The following NLRP14 variants were observed in gnomAD, a reference collection of about 807,000 sequenced individuals.
The protein encoded by NLRP14 is NACHT, LRR and PYD domains-containing protein 14.
A neutral mutation model predicts 94.7 loss-of-function variants in NLRP14; 105 were observed. The observed-to-expected ratio is 1.11, with a 90% CI of 0.95 to 1.30. NLRP14 has a LOEUF of 1.30. NLRP14 is among the 50% of genes most tolerant of loss of function. NLRP14 has a pLI of 0.00. For missense variants in NLRP14, 1,362 were observed against 1,254.1 expected (o/e 1.09, Z -1.30); for synonymous variants, 508 against 459.9 (o/e 1.10, Z -1.34).
the NLRP14 span, among the ~76,000 whole-genome samples, chr11:7,084,120 C>T: frequency 6.6e-6 from 1 of 152,160 alleles, no homozygotes; most frequent in African/African-American, 2.4e-5. Flanking sequence ...TTTGAAACTG[C>T]TATTTATAAA....
the NLRP14 span, chr11:7,089,889 T>C: frequency 6.2e-7 from 1 of 1,612,816 alleles, no homozygotes; most frequent in South Asian, 1.1e-5. Context: ...CTTGAGAGGC[T>C]ACAGCGACCG....
chr11:7,070,903 T>G (rs950056816), intron 11 of NLRP14, among the ~76,000 whole-genome samples: 1 of 152,206 alleles, frequency 6.6e-6, no homozygotes, highest in African/African-American at 2.4e-5. Context: ...TTAATTTTGC[T>G]TGGATAGCAA....
chr11:7,023,038 A>G (rs1473060022), intron 1 of NLRP14, among the ~76,000 whole-genome samples: 1 of 152,094 alleles, frequency 6.6e-6, no homozygotes, highest in Admixed American at 6.5e-5. Context: ...TTTAAACATA[A>G]TGGTGATTAA....
chr11:7,061,938 T>A (rs1218937555), intron 9 of NLRP14, among the ~76,000 whole-genome samples: 1 of 152,100 alleles, frequency 6.6e-6, no homozygotes, highest in African/African-American at 2.4e-5. Context: ...ATATGTAGCT[T>A]TCTTCTTTGA....
intron 8 of NLRP14, among the ~76,000 whole-genome samples, chr11:7,058,917 C>T (rs933807311): frequency 6.6e-6 from 1 of 151,786 alleles, no homozygotes; most frequent in Admixed American, 6.6e-5. Context: ...ATTAATAAGC[C>T]AAGGTTTTAA....
chr11:7,050,197 G>T (rs536414565), intron 6 of NLRP14, among the ~76,000 whole-genome samples: 6 of 152,290 alleles, frequency 3.9e-5, no homozygotes, highest in Non-Finnish European at 8.8e-5. Context: ...TACAGTGGGG[G>T]ATGTTCTTTA....
At chr11:7,021,594 A>G (rs984106370) in intron 1 of NLRP14, among the ~76,000 whole-genome samples, 2 of 152,042 alleles carry the variant, frequency 1.3e-5, no homozygotes, top group Non-Finnish European at 2.9e-5. Context: ...TTAACCGCTC[A>G]CCCTTAAGTA....
intron 6 of NLRP14, among the ~76,000 whole-genome samples, chr11:7,051,359 G>A (rs1852439097): frequency 6.6e-6 from 1 of 152,198 alleles, no homozygotes; most frequent in Non-Finnish European, 1.5e-5. Context: ...GCCATGGGTA[G>A]TATGAATGTC....
At position 7,046,755 on chromosome 11, in the gene NLRP14, T is replaced by C. The variant is rs1456780182; in HGVS notation, c.2046T>C (p.His682=). Residue 682 remains histidine, a synonymous_variant, in exon 5 of 12, where the codon CAT becomes CAC. Coordinates refer to ENST00000299481, the MANE Select transcript of NLRP14 (RefSeq NM_176822.4). Reference sequence around the variant, plus strand: ...ACTTGAGAGAATTGGACCTGTACCATAGCAACCTTGATAAATCAGCAATGA... The same window carrying C: ...ACTTGAGAGAATTGGACCTGTACCACAGCAACCTTGATAAATCAGCAATGA... The part of the protein sequence containing the change: ...NEHLRELDLY[H]SNLDKSAMNI... The C allele has an allele frequency of 6.2e-7, 1 of 1,613,630 alleles. No homozygotes were observed. The highest frequency in any genetic ancestry group is 1.1e-5 in the South Asian group (1 of 91,068).
Position 7,020,778 on chromosome 11 carries a change from GTT to G in NLRP14, c.-22+11_-22+12del, listed in dbSNP as rs1323626602. The G allele has an allele frequency of 6.6e-6, 1 of 152,418 alleles. No individual in the cohort carries two copies. Among genetic ancestry groups the G allele is most frequent in the East Asian group, 1.9e-4 (1 of 5,182 alleles). 9.4% of individuals were successfully genotyped at this position (152,418 alleles called of 1,614,324 possible). ...CATCGCTCTAAACTCAAGGTTAGAG[GTT>G]TTCAAATTCCGTCCTATTGTTGCCA... On this transcript the variant is annotated intron_variant, in intron 1 of 11. Transcript: ENST00000299481.
chr11:7,023,669 G>A (rs1219234361), intron 1 of NLRP14, among the ~76,000 whole-genome samples: 1 of 151,722 alleles, frequency 6.6e-6, no homozygotes, highest in Non-Finnish European at 1.5e-5. Flanking sequence ...ACTTGAGACT[G>A]GATAATTTAT....
chr11:7,089,464 G>C, the NLRP14 span: 91 of 1,274,548 alleles, frequency 7.1e-5, no homozygotes, highest in Non-Finnish European at 8.8e-5. Flanking sequence ...CGCGGGGGTG[G>C]CGGCGGCCCG....
the NLRP14 span, chr11:7,090,058 G>T: frequency 1.2e-6 from 2 of 1,613,064 alleles, no homozygotes; most frequent in Non-Finnish European, 1.7e-6. Flanking sequence ...GAGTACCGGG[G>T]CTACTCACCC....
At chr11:7,045,157 A>G (rs1194097123) in intron 4 of NLRP14, among the ~76,000 whole-genome samples, 1 of 152,154 alleles carries the variant, frequency 6.6e-6, no homozygotes, top group Non-Finnish European at 1.5e-5. Context: ...TTTATTTGCA[A>G]ACTGTGGGAG....
chr11:7,076,025 A>C (rs1198149253), downstream of NLRP14, among the ~76,000 whole-genome samples: 1 of 152,230 alleles, frequency 6.6e-6, no homozygotes, highest in Non-Finnish European at 1.5e-5. Flanking sequence ...CACTTACTGC[A>C]CATCAGATAT....
At chr11:7,089,783 G>A in the NLRP14 span, 1 of 1,594,148 alleles carries the variant, frequency 6.3e-7, no homozygotes, top group Non-Finnish European at 8.5e-7. Context: ...ACGGCTACTC[G>A]AGCCGAGACT....
intron 1 of NLRP14, among the ~76,000 whole-genome samples, chr11:7,026,500 G>GA (rs1247189544): frequency 6.6e-6 from 1 of 152,018 alleles, no homozygotes; most frequent in East Asian, 1.9e-4. Context: ...AAAAAGTCAG[G>GA]AAAAAACAGG....
At chr11:7,080,578 A>G in the NLRP14 span, among the ~76,000 whole-genome samples, 2 of 152,200 alleles carry the variant, frequency 1.3e-5, no homozygotes, top group African/African-American at 2.4e-5. Context: ...AATTCTCCAT[A>G]GTACTTCCTG....
rs1273007477 is a variant in NLRP14 at position 7,038,662 on chromosome 11, G to T, written c.76G>T (p.Glu26Ter). Residue 26 changes from glutamate to a stop codon, truncating the protein, a stop_gained, in exon 2 of 12, where the codon GAA (glutamate) becomes TAA (stop). Coordinates refer to ENST00000299481, the MANE Select transcript of NLRP14 (RefSeq NM_176822.4). LOFTEE classifies it high-confidence loss of function. The part of the protein sequence containing the change: ...LLYLEELNKE[E>*]LNTFKLFLKE... ...GTATTTGGAGGAGCTAAACAAAGAG[G>T]AATTAAATACATTCAAGTTATTCCT... is the stretch of plus-strand genomic sequence containing the variant. 9.9e-6 allele frequency: 16 copies of T among 1,613,616 alleles called. No homozygotes were observed. The highest frequency in any genetic ancestry group is 1.4e-5 in the Non-Finnish European group (16 of 1,179,694).
Sources: allele counts gnomAD v4.1 joint callset (sites outside exome capture counted in the v4.1 genomes callset), GRCh38; gene constraint gnomAD v4.1.1; transcripts MANE v1.5; gene names NCBI Gene and HGNC (gene_info 2026-07-23, HGNC 2026-07-21).